The following FLNB variants were observed in gnomAD, a reference collection of about 807,000 sequenced individuals.
FLNB encodes the protein filamin-B.
A neutral mutation model predicts 250.6 loss-of-function variants in FLNB; 111 were observed. The ratio of observed to expected loss-of-function variants is 0.44; its 90% CI spans 0.38 to 0.52. The LOEUF (loss-of-function observed/expected upper bound fraction) is 0.52, where lower values mean the gene tolerates loss of function less well. Among genes scored for constraint, FLNB ranks in the 20% least tolerant of loss-of-function variants. FLNB has a pLI of 0.00. For missense variants in FLNB, 2,869 were observed against 3,447.8 expected, an observed-to-expected ratio of 0.83 and a Z score of 4.20; for synonymous variants, 1,302 against 1,372.1, an observed-to-expected ratio of 0.95 and a Z score of 1.13.
At chr3:58,064,412 T>A (rs2097182583) in intron 1 of FLNB, among the ~76,000 whole-genome samples, 1 of 152,170 alleles carries the variant, frequency 6.6e-6, no homozygotes, top group Non-Finnish European at 1.5e-5. Flanking sequence ...TCTACCTGCC[T>A]TGGCCTCCTA....
rs147519308 is a variant in FLNB at position 58,052,835 on chromosome 3, C to T, written c.293-24211C>T. Among the ~76,000 whole-genome samples the T allele has an allele frequency of 1.1e-3, 164 of 152,278 alleles. 1 individual carries two copies. The highest frequency in any genetic ancestry group is 3.6e-3 in the African/African-American group (149 of 41,568). On this transcript the variant is annotated intron_variant, in intron 1 of 45. Transcript: ENST00000295956. ...TGTAAAGGGCATGCCCTGCCCTGTC[C>T]GGATTTAAAGCAGCTATAGCACTGA...
intron 41 of FLNB, 83 bp from the exon 42 acceptor site, chr3:58,159,471 C>G (rs1433469300): frequency 5.8e-6 from 8 of 1,383,750 alleles, no homozygotes; most frequent in Non-Finnish European, 8.2e-6. Flanking sequence ...AGAACTGTCA[C>G]CCACAGTTTT....
chr3:58,052,486 G>C lies in FLNB; in HGVS notation c.293-24560G>C, dbSNP rs527250300. On this transcript the variant is annotated intron_variant, in intron 1 of 45. Coordinates refer to ENST00000295956, the MANE Select transcript of FLNB (RefSeq NM_001457.4). ...GGCTGAGTCATGTGGCACCCAGCCC[G>C]GTGAGTAAGACAGCTGAGTAAGAGG... 2.0e-4 allele frequency among the ~76,000 whole-genome samples: 30 copies of C among 152,290 alleles called. No homozygotes were observed. In the South Asian group the frequency reaches 6.2e-3, roughly 32 times the overall value.
rs367976181 is a variant in FLNB at position 58,038,014 on chromosome 3, ATTGTTTGT to A, written c.292+29181_292+29188del. On this transcript the variant is annotated intron_variant, in intron 1 of 45. Transcript: ENST00000295956. ...GACTTTGAGCCTGAGGCCTGTTCTT[ATTGTTTGT>A]TTGTTTGTTTGTTTGTTTGTTTTTA... Among the ~76,000 whole-genome samples the A allele has an allele frequency of 3.9e-3, 587 of 152,100 alleles. 4 individuals carry two copies. The highest frequency in any genetic ancestry group is 0.012 in the African/African-American group (512 of 41,510).
intron 34 of FLNB, 42 bp downstream of exon 34, chr3:58,147,035 T>C (rs1378496555): frequency 6.2e-7 from 1 of 1,604,550 alleles, no homozygotes; most frequent in Admixed American, 1.7e-5. Flanking sequence ...GTGGGAAGTA[T>C]GGCTGCCTCT....
chr3:58,088,211 C>T (rs574506631), intron 4 of FLNB, among the ~76,000 whole-genome samples: 22 of 151,708 alleles, frequency 1.5e-4, no homozygotes, highest in Admixed American at 1.4e-3. Context: ...TCACACCTGG[C>T]TAATTTTTGT....
intron 1 of FLNB, among the ~76,000 whole-genome samples, chr3:58,059,489 G>A (rs1046104629): frequency 9.9e-5 from 15 of 152,268 alleles, no homozygotes; most frequent in Middle Eastern, 3.4e-3. Context: ...TTGTTGAGCC[G>A]GGAAGCAGCT....
At chr3:58,132,746 A>G in intron 25 of FLNB, 62 bp from the exon 26 acceptor site, 1 of 1,609,742 alleles carries the variant, frequency 6.2e-7, no homozygotes, top group Non-Finnish European at 8.5e-7. Flanking sequence ...TTTCAGACTC[A>G]GCCAAGGGTG....
intron 45 of FLNB, among the ~76,000 whole-genome samples, chr3:58,170,139 C>T (rs983596020): frequency 6.6e-6 from 1 of 152,206 alleles, no homozygotes; most frequent in Admixed American, 6.5e-5. Flanking sequence ...GTTATTAAAT[C>T]TCTTTCCAAA....
chr3:58,033,453 C>T (rs187429891), intron 1 of FLNB, among the ~76,000 whole-genome samples: 99 of 150,688 alleles, frequency 6.6e-4, no homozygotes, highest in Admixed American at 1.1e-3. Flanking sequence ...TGCAGTGGTG[C>T]GACCTCGGCT....
intron 8 of FLNB, among the ~76,000 whole-genome samples, chr3:58,100,362 T>C (rs2097247782): frequency 6.4e-5 from 2 of 31,248 alleles, no homozygotes; most frequent in South Asian, 2.9e-3. Context: ...ATTTTACATA[T>C]GTAAAAAAAA....
chr3:58,066,194 T>G (rs908827665), intron 1 of FLNB, among the ~76,000 whole-genome samples: 1 of 151,730 alleles, frequency 6.6e-6, no homozygotes, highest in Non-Finnish European at 1.5e-5. Context: ...TCTTCTTCTT[T>G]AAGTTTTCTT....
chr3:58,056,701 A>G (rs1421398712), intron 1 of FLNB, among the ~76,000 whole-genome samples: 2 of 151,874 alleles, frequency 1.3e-5, no homozygotes, highest in Non-Finnish European at 2.9e-5. Flanking sequence ...TCCTGGGTTC[A>G]AGCCTCAGCC....
At position 58,047,172 on chromosome 3, in the gene FLNB, T is replaced by C. The variant is rs145341825; in HGVS notation, c.293-29874T>C. Among the ~76,000 whole-genome samples the C allele has an allele frequency of 2.5e-4, 38 of 152,316 alleles. No homozygotes were observed. In the East Asian group the frequency reaches 7.1e-3, roughly 29 times the overall value. On this transcript the variant is annotated intron_variant, in intron 1 of 45. Coordinates refer to ENST00000295956, the MANE Select transcript of FLNB (RefSeq NM_001457.4). The stretch of plus-strand genomic sequence containing the variant: ...AATGTTTTGACACCAAAGAGAAAAA[T>C]TGGTTTCTGGAAGAAAGTGTGTTTT...
chr3:58,049,939 A>T (rs2097159733), intron 1 of FLNB, among the ~76,000 whole-genome samples: 1 of 151,552 alleles, frequency 6.6e-6, no homozygotes, highest in Non-Finnish European at 1.5e-5. Flanking sequence ...GACCCCGTGG[A>T]TGGGGGCAGA....
intron 43 of FLNB, among the ~76,000 whole-genome samples, chr3:58,168,236 G>T (rs986048547): frequency 6.6e-6 from 1 of 152,194 alleles, no homozygotes; most frequent in Non-Finnish European, 1.5e-5. Flanking sequence ...TGCTCCTCCT[G>T]CCTTGGCCTA....
intron 1 of FLNB, among the ~76,000 whole-genome samples, chr3:58,011,632 C>T (rs1576580932): frequency 6.6e-6 from 1 of 152,304 alleles, no homozygotes; most frequent in East Asian, 1.9e-4. Flanking sequence ...TTACCTCCAG[C>T]TTGGACTAAG....
chr3:58,078,154 T>G, intron 2 of FLNB: 1 of 585,232 alleles, frequency 1.7e-6, no homozygotes. Context: ...CCAGGAAAAA[T>G]TCAAAGTGCA....
chr3:58,085,450 T>C (rs2097215934), intron 4 of FLNB, among the ~76,000 whole-genome samples: 1 of 152,378 alleles, frequency 6.6e-6, no homozygotes, highest in South Asian at 2.1e-4. Context: ...GACCGTTTCA[T>C]CTTCTAGTTT....
Sources: allele counts gnomAD v4.1 joint callset (sites outside exome capture counted in the v4.1 genomes callset), GRCh38; gene constraint gnomAD v4.1.1; transcripts MANE v1.5; gene names NCBI Gene and HGNC (gene_info 2026-07-23, HGNC 2026-07-21).